The following UPK3A variants were observed in gnomAD, a reference collection of about 807,000 sequenced individuals.
UPK3A encodes the protein uroplakin 3A.
UPK3A carries 32 observed loss-of-function variants against 27.6 expected under a neutral mutation model. The observed-to-expected ratio is 1.16, with a 90% CI of 0.87 to 1.55. The LOEUF (loss-of-function observed/expected upper bound fraction) is 1.55, where lower values mean the gene tolerates loss of function less well. Among genes scored for constraint, UPK3A ranks in the 40% most tolerant of loss-of-function variants. UPK3A has a pLI of 0.00. For missense variants in UPK3A, 370 were observed against 367.9 expected (o/e 1.01, Z -0.05); for synonymous variants, 171 against 163.9 (o/e 1.04, Z -0.33).
rs765876533 is a variant in UPK3A, at chr22:45,287,295, G to A, written c.332G>A (p.Ser111Asn). 43 of 1,614,118 alleles carry A rather than the reference G, an allele frequency of 2.7e-5. No individual in the cohort carries two copies. The highest frequency in any genetic ancestry group is 3.6e-5 in the Non-Finnish European group (43 of 1,180,056). The change falls in exon 3 of 6, where the codon AGT becomes AAT. Residue 111 changes from serine to asparagine, a missense_variant. Ser to Asn is a conservative substitution (Grantham distance 46). Transcript: ENST00000216211. ...KAVAFDLIPC[S>N]DLPSLDAIGD... ...GTGGCCTTTGACCTGATCCCCTGCA[G>A]TGACCTGCCCAGCCTGGATGCCATT...
Position 45,284,974 on chromosome 22 carries a change from T to C in UPK3A, c.-40T>C, listed in dbSNP as rs987691162. ...AGGTCTGGTGCCCGCGCCTGCTCGC[T>C]GGACCGCCCGCCCCGCGCTCTGGCG... On this transcript the variant is annotated 5_prime_UTR_variant, in exon 1 of 6. Coordinates refer to ENST00000216211, the MANE Select transcript of UPK3A (RefSeq NM_006953.4). 3.7e-5 allele frequency: 56 copies of C among 1,526,034 alleles called. No individual in the cohort carries two copies. The highest frequency in any genetic ancestry group is 7.2e-5 in the South Asian group (6 of 83,464). The allele number at this position is 1,526,034 out of a possible 1,614,324, so 94.5% of individuals were successfully genotyped here.
At chr22:45,290,358 G>A (rs2084151714) in intron 4 of UPK3A, among the ~76,000 whole-genome samples, 1 of 152,206 alleles carries the variant, frequency 6.6e-6, no homozygotes, top group Non-Finnish European at 1.5e-5. Flanking sequence ...TTGAGCCCAT[G>A]TGCACCCCCA....
chr22:45,294,028 G>A (rs888496480), intron 5 of UPK3A, among the ~76,000 whole-genome samples: 8 of 152,274 alleles, frequency 5.3e-5, no homozygotes, highest in African/African-American at 1.9e-4. Context: ...GGAAGACCAG[G>A]CAGGGGACAA....
In UPK3A at chr22:45,287,193, T is replaced by C. The variant is rs779666819; in HGVS notation, c.230T>C (p.Val77Ala). The C allele has an allele frequency of 2.5e-6, 4 of 1,614,166 alleles. No homozygotes were observed. The East Asian group carries it at 8.9e-5, about 36-fold the overall frequency. ...GCAGCCATTTCCAGGAATGCCTCAG[T>C]GCAAGACAGCACCAACACCCCACTG... ...VDSAISRNASVQDSTNTPLGS... is the reference protein window; with the variant it reads ...VDSAISRNASAQDSTNTPLGS... Residue 77 changes from valine (V) to alanine (A), a missense_variant, in exon 3 of 6, where the codon GTG (valine) becomes GCG (alanine). Val to Ala is a moderately conservative substitution (Grantham distance 64, BLOSUM62 0). Transcript: ENST00000216211.
At chr22:45,291,894 G>A (rs1000832830) in intron 4 of UPK3A, among the ~76,000 whole-genome samples, 2 of 150,824 alleles carry the variant, frequency 1.3e-5, no homozygotes, top group Non-Finnish European at 3.0e-5. Flanking sequence ...CAGGGCGTGT[G>A]AGTTGGTATG....
In UPK3A at chr22:45,287,600, A is replaced by G. The variant is rs1411072043; in HGVS notation, c.488+149A>G. On this transcript the variant is annotated intron_variant, in intron 3 of 5. Coordinates refer to ENST00000216211, the MANE Select transcript of UPK3A (RefSeq NM_006953.4). ...TCCAGGCAGGCCACGCTGAGCCTCA[A>G]GTTCAGAAGAGGCCCCTCTTGGATT... The G allele has an allele frequency of 7.8e-6, 7 of 896,458 alleles. 1 individual carries two copies. The highest frequency in any genetic ancestry group is 6.8e-5 in the Admixed American group (3 of 43,796). The allele number at this position is 896,458 out of a possible 1,614,324, so 55.5% of individuals were successfully genotyped here.
intron 5 of UPK3A, among the ~76,000 whole-genome samples, chr22:45,294,344 T>C (rs921778020): frequency 6.6e-6 from 1 of 151,382 alleles, no homozygotes; most frequent in Non-Finnish European, 1.5e-5. Flanking sequence ...GGCTGAGAAC[T>C]TGTGAATCAG....
At chr22:45,289,993 A>T (rs1276036082) in intron 4 of UPK3A, among the ~76,000 whole-genome samples, 3 of 152,200 alleles carry the variant, frequency 2.0e-5, no homozygotes, top group Non-Finnish European at 4.4e-5. Flanking sequence ...CTAAATCCTC[A>T]TAGCAGCAAG....
chr22:45,294,128 C>A (rs2084180063), intron 5 of UPK3A, among the ~76,000 whole-genome samples: 2 of 152,114 alleles, frequency 1.3e-5, no homozygotes, highest in Non-Finnish European at 2.9e-5. Context: ...TCAGTGTGAG[C>A]AAACTCTCAT....
At chr22:45,285,824 C>G in intron 1 of UPK3A, 117 bp from the exon 2 acceptor site, 2 of 1,459,040 alleles carry the variant, frequency 1.4e-6, no homozygotes, top group Non-Finnish European at 1.9e-6. Context: ...TATGCGGTGG[C>G]CCAGGGGGAG....
At position 45,293,136 on chromosome 22, in the gene UPK3A, G is replaced by A; in HGVS notation, c.572-45G>A. Reference sequence around the variant, plus strand: ...CGCCGCCTCCTGGGAGAAGGGTGAGGGTGGTGCGGTGTCTGGGAAGTAACC... The same window carrying A: ...CGCCGCCTCCTGGGAGAAGGGTGAGAGTGGTGCGGTGTCTGGGAAGTAACC... On this transcript the variant is annotated intron_variant, in intron 4 of 5. Transcript: ENST00000216211. 3 of 1,610,082 alleles carry A rather than the reference G, an allele frequency of 1.9e-6. No homozygotes were observed. In the South Asian group the frequency reaches 3.3e-5, roughly 18 times the overall value.
chr22:45,287,436 C>A lies in UPK3A; in HGVS notation c.473C>A (p.Ala158Glu), dbSNP rs764515707. 2 of 1,599,322 alleles carry A rather than the reference C, an allele frequency of 1.3e-6. No individual in the cohort carries two copies. The highest frequency in any genetic ancestry group is 2.7e-5 in the African/African-American group (2 of 74,696). Residue 158 changes from alanine (A) to glutamate (E), a missense_variant, in exon 3 of 6, where the codon GCA becomes GAA. Transcript: ENST00000216211. ...GGCCTCTGTAACGCACCCCTGTCGGCAGCCACGGAGTACAGGTGGGTGTAA... is the reference window on the plus strand; with the variant it reads ...GGCCTCTGTAACGCACCCCTGTCGGAAGCCACGGAGTACAGGTGGGTGTAA... ...FQGLCNAPLS[A>E]ATEYRFKYVL...
chr22:45,285,643 A>G (rs565363494), intron 1 of UPK3A, among the ~76,000 whole-genome samples: 25 of 81,632 alleles, frequency 3.1e-4, no homozygotes, highest in Admixed American at 1.6e-3. Context: ...GGCCCAGGTG[A>G]GGAAGGTGGG....
At chr22:45,290,021 A>T (rs2084149162) in intron 4 of UPK3A, among the ~76,000 whole-genome samples, 1 of 152,148 alleles carries the variant, frequency 6.6e-6, no homozygotes, top group South Asian at 2.1e-4. Context: ...TGGCCAGGTA[A>T]GATGTTTCCA....
intron 1 of UPK3A, among the ~76,000 whole-genome samples, chr22:45,285,399 G>A (rs898449098): frequency 1.3e-5 from 2 of 152,182 alleles, no homozygotes; most frequent in South Asian, 2.1e-4. Flanking sequence ...AGTTCATGGA[G>A]GGGAGACAAT....
chr22:45,293,392 G>T (rs964354608), intron 5 of UPK3A, 79 bp downstream of exon 5: 2 of 1,582,896 alleles, frequency 1.3e-6, no homozygotes, highest in Non-Finnish European at 1.7e-6. Flanking sequence ...CAGCAGTGGG[G>T]TCCTCCGAGG....
chr22:45,293,062 G>C (rs557532282), intron 4 of UPK3A, 119 bp from the exon 5 acceptor site: 157 of 1,482,952 alleles, frequency 1.1e-4, no homozygotes, highest in Non-Finnish European at 1.4e-4. Context: ...GCCCCACTGG[G>C]TCCCAGGGTC....
In UPK3A at chr22:45,295,838, C is replaced by A; in HGVS notation, c.*119C>A. On this transcript the variant is annotated 3_prime_UTR_variant, in exon 6 of 6. Transcript: ENST00000216211. ...GAAACAGGGCTTGTCCCTCCAACTG[C>A]AGGAAAACCCTTAATAAAATCTTCT... 8.5e-7 allele frequency: 1 copy of A among 1,177,836 alleles called. No homozygotes were observed. Among genetic ancestry groups the A allele is most frequent in the South Asian group, 1.3e-5 (1 of 77,998 alleles). 73.0% of individuals were successfully genotyped at this position (1,177,836 alleles called of 1,614,324 possible).
At position 45,293,175 on chromosome 22, in the gene UPK3A, CCA is replaced by C. The variant is rs1436148018; in HGVS notation, c.572-3_572-2del. On this transcript the variant is annotated splice_region_variant and splice_polypyrimidine_tract_variant and intron_variant, in intron 4 of 5. Transcript: ENST00000216211. ...TGGGAAGTAACCGGGCTGCATCCCA[CCA>C]CAGTCACCCCATACTCGACGATCGA... The C allele has an allele frequency of 6.2e-7, 1 of 1,613,490 alleles. No individual in the cohort carries two copies. The highest frequency in any genetic ancestry group is 1.3e-5 in the African/African-American group (1 of 74,906).
Sources: allele counts gnomAD v4.1 joint callset (sites outside exome capture counted in the v4.1 genomes callset), GRCh38; gene constraint gnomAD v4.1.1; transcripts MANE v1.5; gene names NCBI Gene and HGNC (gene_info 2026-07-23, HGNC 2026-07-21).